The following COL5A2 variants were observed in gnomAD, a reference collection of about 807,000 sequenced individuals.
The protein encoded by COL5A2 is collagen type V alpha 2 chain.
In COL5A2, 23 loss-of-function variants were observed where a neutral mutation model predicts 208.2. The observed-to-expected ratio is 0.11, with a 90% CI of 0.08 to 0.16. The LOEUF (loss-of-function observed/expected upper bound fraction) is 0.16, where lower values mean the gene tolerates loss of function less well. Ranked by LOEUF, COL5A2 falls within the 10% of genes least tolerant of loss-of-function variation. The pLI is 1.00. For synonymous variants in COL5A2, 625 were observed against 628.5 expected (o/e 0.99, Z 0.08); for missense variants, 1,590 against 1,956.4 (o/e 0.81, Z 3.53).
intron 1 of COL5A2, among the ~76,000 whole-genome samples, chr2:189,203,201 C>T (rs1243421481): frequency 6.6e-6 from 1 of 152,154 alleles, no homozygotes; most frequent in East Asian, 1.9e-4. Context: ...TTTGCACCCT[C>T]CCAAATCTAA....
chr2:189,417,808 G>A, the COL5A2 span, among the ~76,000 whole-genome samples: 2 of 151,580 alleles, frequency 1.3e-5, no homozygotes, highest in Non-Finnish European at 2.9e-5. Flanking sequence ...TCCATTGTGT[G>A]TGTGTGTATA....
intron 49 of COL5A2, 80 bp downstream of exon 49, chr2:189,042,640 A>G (rs1685584859): frequency 1.1e-5 from 15 of 1,371,006 alleles, no homozygotes; most frequent in Admixed American, 1.8e-5. Flanking sequence ...AATACCAGGA[A>G]AACGATACTC....
the COL5A2 span, among the ~76,000 whole-genome samples, chr2:189,430,339 A>G: frequency 7.1e-3 from 1,089 of 152,340 alleles, 15 homozygotes; most frequent in African/African-American, 0.025. Flanking sequence ...ATACAGCTAC[A>G]TGAGTGAGAG....
chr2:189,320,416 G>GA, the COL5A2 span, among the ~76,000 whole-genome samples: 4 of 152,062 alleles, frequency 2.6e-5, no homozygotes, highest in African/African-American at 7.2e-5. Context: ...TAAAAACCTT[G>GA]AAAAAAGATT....
chr2:189,410,408 G>GA, the COL5A2 span, among the ~76,000 whole-genome samples: 1 of 151,502 alleles, frequency 6.6e-6, no homozygotes, highest in Non-Finnish European at 1.5e-5. Context: ...ACAAGAAAAT[G>GA]AAAAAAAATT....
chr2:189,212,983 G>A lies in COL5A2; in HGVS notation c.-42+12165C>T, dbSNP rs1689235210. Among the ~76,000 whole-genome samples, 4 of 151,824 alleles carry A rather than the reference G, an allele frequency of 2.6e-5. No homozygotes were observed. The East Asian group carries it at 7.8e-4, about 30-fold the overall frequency. On this transcript the variant is annotated intron_variant, in intron 1 of 10. Coordinates refer to the COL5A2 transcript ENST00000649966. ...AGCTCAATGTAACCTCTGCCTCCTG[G>A]GCTCAAGCAATTCTCCTGCCTCAGT... is the stretch of plus-strand genomic sequence containing the variant.
chr2:189,041,672 G>C lies in COL5A2; in HGVS notation c.3547C>G (p.Pro1183Ala). 6.2e-7 allele frequency: 1 copy of C among 1,613,976 alleles called. No individual in the cohort carries two copies. Among genetic ancestry groups the C allele is most frequent in the Non-Finnish European group, 8.5e-7 (1 of 1,179,898 alleles). ...CCAGGGTTTCCTTCTTTACCTGAAG[G>C]ACCAACTGGGCCTGGAGGACCCTGC... ...GPRGPPGPVG[P>A]SGKEGNPGPL... Residue 1183 changes from proline (P) to alanine (A), a missense_variant, in exon 50 of 54, where the codon CCT becomes GCT. Transcript: ENST00000374866.
the COL5A2 span, among the ~76,000 whole-genome samples, chr2:189,280,058 A>G: frequency 6.6e-6 from 1 of 152,170 alleles, no homozygotes; most frequent in Non-Finnish European, 1.5e-5. Context: ...ACAGCTGTCT[A>G]TGAACCAAGA....
In COL5A2 at chr2:189,033,145, T is replaced by C. The variant is rs986905468; in HGVS notation, c.*925A>G. On this transcript the variant is annotated 3_prime_UTR_variant, in exon 54 of 54. Transcript: ENST00000374866. ...AGTTTCTAGATCTTTTTCTTCATTA[T>C]AGGCTTCAGGATGATGAGATTGTAC... 1 of 152,614 alleles carries C rather than the reference T, an allele frequency of 6.6e-6. No homozygotes were observed. The highest frequency in any genetic ancestry group is 1.5e-5 in the Non-Finnish European group (1 of 68,020). 9.5% of individuals were successfully genotyped at this position (152,614 alleles called of 1,614,324 possible).
intron 1 of COL5A2, among the ~76,000 whole-genome samples, chr2:189,120,612 T>C (rs1015063312): frequency 6.6e-6 from 1 of 152,220 alleles, no homozygotes; most frequent in Non-Finnish European, 1.5e-5. Flanking sequence ...TATCATCTAT[T>C]GATTCTCCTT....
chr2:189,063,133 T>C, intron 27 of COL5A2, 39 bp downstream of exon 27: 8 of 1,611,332 alleles, frequency 5.0e-6, no homozygotes, highest in Non-Finnish European at 6.8e-6. Context: ...CAAATGAGGA[T>C]CATGATGAGG....
chr2:189,038,785 G>A (rs1219106624), intron 51 of COL5A2, among the ~76,000 whole-genome samples: 1 of 152,112 alleles, frequency 6.6e-6, no homozygotes, highest in African/African-American at 2.4e-5. Flanking sequence ...CGGCTCCTGG[G>A]TTCATGCCAC....
chr2:189,371,199 A>G, the COL5A2 span, among the ~76,000 whole-genome samples: 1 of 152,184 alleles, frequency 6.6e-6, no homozygotes, highest in Non-Finnish European at 1.5e-5. Flanking sequence ...AGCAGATGCT[A>G]GTGCCATGCT....
chr2:189,127,448 C>G (rs1687628886), intron 1 of COL5A2, among the ~76,000 whole-genome samples: 1 of 151,962 alleles, frequency 6.6e-6, no homozygotes, highest in South Asian at 2.1e-4. Flanking sequence ...ACTGGAAACC[C>G]TTAAGAGGCA....
rs370992511 is a variant in COL5A2 at position 189,079,939 on chromosome 2, T to G, written c.960+39A>C. ...GTAAACATTTGAAGCAAAACTAAGA[T>G]GCCAAAGTGAGGTTACAGTGAGATA... is the stretch of plus-strand genomic sequence containing the variant. On this transcript the variant is annotated intron_variant, in intron 14 of 53. Coordinates refer to ENST00000374866, the MANE Select transcript of COL5A2 (RefSeq NM_000393.5). 5.1e-6 allele frequency: 8 copies of G among 1,566,008 alleles called. No individual in the cohort carries two copies. The East Asian group carries it at 9.0e-5, about 18-fold the overall frequency.
Position 189,053,009 on chromosome 2 carries a change from C to G in COL5A2, c.2563G>C (p.Gly855Arg). 1 of 1,613,366 alleles carries G rather than the reference C, an allele frequency of 6.2e-7. No homozygotes were observed. The highest frequency in any genetic ancestry group is 2.2e-5 in the East Asian group (1 of 44,872). The change falls in exon 39 of 54, where the codon GGA (glycine) becomes CGA (arginine). Residue 855 changes from glycine to arginine, a missense_variant. Gly to Arg is a moderately radical substitution (Grantham distance 125, BLOSUM62 -2). Coordinates refer to ENST00000374866, the MANE Select transcript of COL5A2 (RefSeq NM_000393.5). Reference protein sequence around the residue: ...VGFAGPQGPDGQPGVKGEPGE... With the variant: ...VGFAGPQGPDRQPGVKGEPGE... ...GGTTCACCTTTTACTCCAGGCTGTC[C>G]GTCAGGACCCTATAAAAAATTATAC... is the stretch of plus-strand genomic sequence containing the variant.
intron 16 of COL5A2, among the ~76,000 whole-genome samples, chr2:189,076,040 G>C (rs1164975041): frequency 6.6e-6 from 1 of 152,180 alleles, no homozygotes; most frequent in Non-Finnish European, 1.5e-5. Flanking sequence ...ACACAAGTCT[G>C]CAAGAGCCAT....
the COL5A2 span, among the ~76,000 whole-genome samples, chr2:189,356,045 T>G: frequency 1.3e-5 from 2 of 152,192 alleles, no homozygotes; most frequent in Non-Finnish European, 2.9e-5. Flanking sequence ...AAGCTTAGTT[T>G]GGCTGGATAT....
upstream of COL5A2, among the ~76,000 whole-genome samples, chr2:189,229,441 C>CACA (rs1553531363): frequency 9.3e-6 from 1 of 107,224 alleles, no homozygotes; most frequent in Non-Finnish European, 2.1e-5. Context: ...TACACACACA[C>CACA]AAAAAAAAAA....
Sources: gnomAD v4.1 joint callset for allele counts (sites outside exome capture counted in the v4.1 genomes callset) on GRCh38, gnomAD v4.1.1 for gene constraint, MANE v1.5 for transcripts, NCBI Gene and HGNC (gene_info 2026-07-23, HGNC 2026-07-21) for gene names.